The following MCPH1 variants were observed in gnomAD, a reference collection of about 807,000 sequenced individuals.
The protein encoded by MCPH1 is microcephalin.
MCPH1 carries 104 observed loss-of-function variants against 84.5 expected under a neutral mutation model. The ratio of observed to expected loss-of-function variants is 1.23; its 90% CI spans 1.05 to 1.45. MCPH1 has a LOEUF of 1.45. Ranked by LOEUF, MCPH1 falls within the 40% of genes most tolerant of loss-of-function variation. The pLI is 0.00. For missense variants in MCPH1, 1,498 were observed against 1,005.7 expected, an observed-to-expected ratio of 1.49 and a Z score of -6.62; for synonymous variants, 514 against 366.8, an observed-to-expected ratio of 1.40 and a Z score of -4.58.
At chr8:6,587,625 T>C (rs1266836000) in intron 12 of MCPH1, among the ~76,000 whole-genome samples, 1 of 152,208 alleles carries the variant, frequency 6.6e-6, no homozygotes, top group East Asian at 1.9e-4. Context: ...TTCAGAAGAA[T>C]AGCAGTCTTG....
chr8:6,542,622 A>G (rs143842764), intron 12 of MCPH1, among the ~76,000 whole-genome samples: 1 of 149,802 alleles, frequency 6.7e-6, no homozygotes, highest in African/African-American at 2.4e-5. Flanking sequence ...GTGCTGTCTG[A>G]GGAGCATTAA....
In MCPH1 at chr8:6,431,593, A is replaced by G. The variant is rs1335761981; in HGVS notation, c.321+7A>G. On this transcript the variant is annotated splice_region_variant and intron_variant, in intron 4 of 13. Transcript: ENST00000344683. Reference sequence around the variant, plus strand: ...AAGCCTAATTAAAAAAAAAGTAAGTACATGATTTCAATGTAGATAATGGCA... The same window carrying G: ...AAGCCTAATTAAAAAAAAAGTAAGTGCATGATTTCAATGTAGATAATGGCA... 2 of 1,571,358 alleles carry G rather than the reference A, an allele frequency of 1.3e-6. No homozygotes were observed. The highest frequency in any genetic ancestry group is 1.7e-6 in the Non-Finnish European group (2 of 1,143,838).
intron 13 of MCPH1, among the ~76,000 whole-genome samples, chr8:6,638,595 AT>A (rs1453606979): frequency 3.0e-3 from 351 of 117,368 alleles, no homozygotes; most frequent in Non-Finnish European, 4.5e-3. Context: ...AAAAAAAAAA[AT>A]TTTTTTTTTA....
At position 6,444,388 on chromosome 8, in the gene MCPH1, TC is replaced by T; in HGVS notation, c.671-3del. 1 of 1,614,112 alleles carries T rather than the reference TC, an allele frequency of 6.2e-7. No individual in the cohort carries two copies. Among genetic ancestry groups the T allele is most frequent in the Non-Finnish European group, 8.5e-7 (1 of 1,179,998 alleles). ...AAAAGTTAGCTCTCCGTTAATGTTT[TC>T]CAGATGAATACTTTGCTGGTGGCTT... On this transcript the variant is annotated splice_region_variant and splice_polypyrimidine_tract_variant and intron_variant, in intron 7 of 13. Coordinates refer to ENST00000344683, the MANE Select transcript of MCPH1 (RefSeq NM_024596.5).
chr8:6,625,169 C>T (rs1831938601), intron 13 of MCPH1: 3 of 985,398 alleles, frequency 3.0e-6, no homozygotes, highest in Non-Finnish European at 3.6e-6. Context: ...GCCACCGTGC[C>T]TGGCCGAAAT....
Position 6,646,538 on chromosome 8 carries a change from G to A in MCPH1, c.*3489G>A, listed in dbSNP as rs1409794274. 3.9e-5 allele frequency: 6 copies of A among 151,940 alleles called. No homozygotes were observed. The East Asian group carries it at 1.2e-3, about 29-fold the overall frequency. The allele number at this position is 151,940 out of a possible 1,614,324, so 9.4% of individuals were successfully genotyped here. On this transcript the variant is annotated 3_prime_UTR_variant, in exon 14 of 14. Coordinates refer to ENST00000344683, the MANE Select transcript of MCPH1 (RefSeq NM_024596.5). ...TTCTTTTCAACAAATGGTGCTGGCA[G>A]AAGAAAAAAAAAGTACTTGGATCCT...
At chr8:6,633,404 C>T (rs1404996630) in intron 13 of MCPH1, among the ~76,000 whole-genome samples, 1 of 152,112 alleles carries the variant, frequency 6.6e-6, no homozygotes, top group Admixed American at 6.5e-5. Flanking sequence ...TAAAATGTAA[C>T]AGAAAACATA....
Position 6,621,585 on chromosome 8 carries a change from C to G in MCPH1, c.2346C>G (p.Cys782Trp), listed in dbSNP as rs372319072. The G allele has an allele frequency of 1.2e-6, 2 of 1,614,096 alleles. No homozygotes were observed. Among genetic ancestry groups the G allele is most frequent in the African/African-American group, 2.7e-5 (2 of 74,926 alleles). The change falls in exon 13 of 14, where the codon TGC (cysteine) becomes TGG (tryptophan). Residue 782 changes from cysteine to tryptophan, a missense_variant. Physicochemically the swap from Cys to Trp is radical, Grantham distance 215. Coordinates refer to ENST00000344683, the MANE Select transcript of MCPH1 (RefSeq NM_024596.5). ...VAKLCELVHL[C>W]GGRVSQVPRQ... The stretch of plus-strand genomic sequence containing the variant: ...AGCTCTGTGAACTAGTCCACCTGTG[C>G]GGAGGCCGGGTCAGCCAAGTCCCCC...
intron 12 of MCPH1, among the ~76,000 whole-genome samples, chr8:6,607,156 C>G (rs1829848543): frequency 6.6e-6 from 1 of 152,196 alleles, no homozygotes; most frequent in Non-Finnish European, 1.5e-5. Flanking sequence ...GCCCTTCTCC[C>G]CTGGGGCAGG....
intron 8 of MCPH1, chr8:6,446,004 A>G (rs923644687): frequency 2.4e-5 from 24 of 979,756 alleles, no homozygotes; most frequent in Middle Eastern, 5.2e-4. Context: ...GAAAGTGTGA[A>G]AAACTACTTT....
intron 12 of MCPH1, among the ~76,000 whole-genome samples, chr8:6,544,349 TTGAC>T (rs200463012): frequency 0.016 from 2,436 of 152,342 alleles, 25 homozygotes; most frequent in Non-Finnish European, 0.025. Context: ...TGATTATAGT[TTGAC>T]TGTGCTGGAA....
intron 9 of MCPH1, among the ~76,000 whole-genome samples, chr8:6,476,113 T>G (rs1040293827): frequency 1.3e-5 from 2 of 152,092 alleles, no homozygotes; most frequent in East Asian, 3.9e-4. Context: ...CAAACAGACA[T>G]AGATAATTTG....
chr8:6,524,587 T>C (rs934477465), intron 12 of MCPH1, among the ~76,000 whole-genome samples: 4 of 152,208 alleles, frequency 2.6e-5, no homozygotes, highest in Non-Finnish European at 4.4e-5. Flanking sequence ...CAGAGATGTA[T>C]TGAACACCTA....
intron 12 of MCPH1, among the ~76,000 whole-genome samples, chr8:6,512,034 C>G (rs1275209804): frequency 6.6e-6 from 1 of 151,742 alleles, no homozygotes; most frequent in Non-Finnish European, 1.5e-5. Context: ...TCTTTGGAGT[C>G]AAGTTGGAAC....
In MCPH1 at chr8:6,411,313, G is replaced by A. The variant is rs540504245; in HGVS notation, c.114+1943G>A. ...GTTTTTATCTTATAAGGAAGCCAGT[G>A]AAGGTTATAGCATTTAGTAGTATGA... On this transcript the variant is annotated intron_variant, in intron 2 of 13. Coordinates refer to ENST00000344683, the MANE Select transcript of MCPH1 (RefSeq NM_024596.5). Among the ~76,000 whole-genome samples, 183 of 152,282 alleles carry A rather than the reference G, an allele frequency of 1.2e-3. 1 individual carries two copies. The highest frequency in any genetic ancestry group is 4.0e-3 in the African/African-American group (167 of 41,552).
At chr8:6,611,841 G>T (rs564048440) in intron 12 of MCPH1, among the ~76,000 whole-genome samples, 1 of 151,968 alleles carries the variant, frequency 6.6e-6, no homozygotes, top group Non-Finnish European at 1.5e-5. Flanking sequence ...GATGGTCTCG[G>T]TCTCCTGACC....
In MCPH1 at chr8:6,521,338, T is replaced by C. The variant is rs752989990; in HGVS notation, c.2214+21409T>C. 7 of 1,613,736 alleles carry C rather than the reference T, an allele frequency of 4.3e-6. 1 individual carries two copies. The East Asian group carries it at 1.6e-4, about 36-fold the overall frequency. On this transcript the variant is annotated intron_variant, in intron 12 of 13. Transcript: ENST00000344683. ...TGGATACTAACACCTGTAGCTGATC[T>C]TTCTCTTCTTTTATTGACTGTAGTT...
intron 1 of MCPH1, 36 bp downstream of exon 1, chr8:6,406,725 A>G (rs2129550292): frequency 1.9e-6 from 3 of 1,609,656 alleles, no homozygotes; most frequent in East Asian, 2.2e-5. Context: ...CAGCAGCGGG[A>G]GTTTGAGGAC....
intron 11 of MCPH1, among the ~76,000 whole-genome samples, chr8:6,488,651 TGAGGCACCG>T (rs1010183198): frequency 1.3e-5 from 2 of 152,152 alleles, no homozygotes; most frequent in Non-Finnish European, 2.9e-5. Context: ...GAGAAATACC[TGAGGCACCG>T]GGAGTGAGGA....
Sources: gnomAD v4.1 joint callset for allele counts (sites outside exome capture counted in the v4.1 genomes callset) on GRCh38, gnomAD v4.1.1 for gene constraint, MANE v1.5 for transcripts, NCBI Gene and HGNC (gene_info 2026-07-23, HGNC 2026-07-21) for gene names.